Variants in HSPA12A observed in about 807,000 individuals in gnomAD.
HSPA12A encodes the protein heat shock protein family A (Hsp70) member 12A.
In HSPA12A, 28 loss-of-function variants were observed where a neutral mutation model predicts 69.2. The ratio of observed to expected loss-of-function variants is 0.40; its 90% CI spans 0.30 to 0.55. HSPA12A has a LOEUF of 0.55. HSPA12A is among the 20% of genes least tolerant of loss of function. The pLI, the probability that HSPA12A is intolerant of heterozygous loss-of-function variation, is 0.38. For synonymous variants in HSPA12A, 345 were observed against 370.5 expected (o/e 0.93, Z 0.79); for missense variants, 686 against 900.7 (o/e 0.76, Z 3.05).
At chr10:116,804,407 G>A (rs539087527) in intron 2 of HSPA12A, among the ~76,000 whole-genome samples, 6 of 152,054 alleles carry the variant, frequency 3.9e-5, no homozygotes, top group African/African-American at 1.5e-4. Flanking sequence ...AGCTTGCAGC[G>A]TCCTATGGGG....
chr10:116,716,808 G>A (rs1457864222), intron 1 of HSPA12A, among the ~76,000 whole-genome samples: 1 of 152,078 alleles, frequency 6.6e-6, no homozygotes, highest in Non-Finnish European at 1.5e-5. Flanking sequence ...AGTGAGAATT[G>A]GTATTCTCAG....
chr10:116,721,773 A>G (rs1406840512), intron 1 of HSPA12A, among the ~76,000 whole-genome samples: 3 of 152,166 alleles, frequency 2.0e-5, no homozygotes, highest in African/African-American at 7.2e-5. Flanking sequence ...AATAATGTAC[A>G]TGCTGTGTTT....
intron 2 of HSPA12A, among the ~76,000 whole-genome samples, chr10:116,773,025 G>A (rs1039136801): frequency 6.6e-6 from 1 of 152,156 alleles, no homozygotes; most frequent in East Asian, 1.9e-4. Flanking sequence ...TCTGAGAAGG[G>A]GCTCATTCAG....
At chr10:116,773,054 G>A (rs544861539) in intron 2 of HSPA12A, among the ~76,000 whole-genome samples, 1 of 152,162 alleles carries the variant, frequency 6.6e-6, no homozygotes, top group Non-Finnish European at 1.5e-5. Context: ...GGGGACCCTA[G>A]CTAGACTAAA....
chr10:116,711,126 G>T (rs1554883024), intron 1 of HSPA12A, among the ~76,000 whole-genome samples: 1 of 152,168 alleles, frequency 6.6e-6, no homozygotes, highest in Non-Finnish European at 1.5e-5. Flanking sequence ...TAGGCTGTGT[G>T]TCCTGGCTGT....
intron 2 of HSPA12A, among the ~76,000 whole-genome samples, chr10:116,820,466 T>C (rs968663373): frequency 5.3e-5 from 8 of 152,102 alleles, no homozygotes; most frequent in African/African-American, 1.7e-4. Flanking sequence ...ACCAATGGTA[T>C]GGTCACATGA....
At chr10:116,827,663 C>T (rs1030108484) in intron 2 of HSPA12A, 2 of 152,260 alleles carry the variant, frequency 1.3e-5, no homozygotes, top group East Asian at 1.9e-4. Flanking sequence ...TGCTCAAGTC[C>T]CACTCAGTTT....
At chr10:116,688,649 C>G (rs1003212404) in intron 6 of HSPA12A, among the ~76,000 whole-genome samples, 2 of 152,220 alleles carry the variant, frequency 1.3e-5, no homozygotes, top group Admixed American at 1.3e-4. Flanking sequence ...TGCACCAGTT[C>G]GGGGTGTTAT....
At position 116,683,770 on chromosome 10, in the gene HSPA12A, GGAGA is replaced by G; in HGVS notation, c.835+17_835+20del. ...TTGGGAAGGAAGGAGAGCAGGAGGG[GGAGA>G]GAGAGAGCAGAGGTACCCTGTGTAA... On this transcript the variant is annotated intron_variant, in intron 7 of 11. Coordinates refer to ENST00000369209, the MANE Select transcript of HSPA12A (RefSeq NM_025015.3). 6 of 1,506,836 alleles carry G rather than the reference GGAGA, an allele frequency of 4.0e-6. No individual in the cohort carries two copies. The highest frequency in any genetic ancestry group is 5.4e-6 in the Non-Finnish European group (6 of 1,108,708). 93.3% of individuals were successfully genotyped at this position (1,506,836 alleles called of 1,614,324 possible). A position where few individuals can be genotyped will look rare whatever the true frequency, so the allele number is the denominator to read the frequency against.
intron 2 of HSPA12A, among the ~76,000 whole-genome samples, chr10:116,815,827 T>C (rs2133190246): frequency 6.6e-6 from 1 of 152,278 alleles, no homozygotes; most frequent in Middle Eastern, 3.4e-3. Context: ...GAAAGCTTGT[T>C]GTTGGAAGGG....
upstream of HSPA12A, chr10:116,850,053 A>C (rs986046226): frequency 2.0e-6 from 1 of 502,976 alleles, no homozygotes; most frequent in Non-Finnish European, 3.6e-6. Flanking sequence ...GGGCCGGCCC[A>C]CCGCCCATGC....
intron 2 of HSPA12A, among the ~76,000 whole-genome samples, chr10:116,806,730 A>G (rs1845076695): frequency 6.6e-6 from 1 of 152,154 alleles, no homozygotes. Context: ...CCATTGGGAG[A>G]CAGAAGGTTC....
chr10:116,680,415 G>C (rs1849368757), intron 9 of HSPA12A, among the ~76,000 whole-genome samples: 1 of 152,324 alleles, frequency 6.6e-6, no homozygotes, highest in South Asian at 2.1e-4. Flanking sequence ...GCCTGGTCTA[G>C]TCCCTGTGTG....
At chr10:116,689,129 G>C (rs1057135254) in intron 6 of HSPA12A, among the ~76,000 whole-genome samples, 13 of 152,078 alleles carry the variant, frequency 8.5e-5, no homozygotes, top group Non-Finnish European at 1.9e-4. Context: ...GCCTGCCCCA[G>C]CAGAGGCTCC....
chr10:116,787,974 G>A (rs1844613624), intron 2 of HSPA12A, among the ~76,000 whole-genome samples: 1 of 152,160 alleles, frequency 6.6e-6, no homozygotes, highest in South Asian at 2.1e-4. Context: ...CCTGAGGGTC[G>A]GGGATAGGAG....
upstream of HSPA12A, among the ~76,000 whole-genome samples, chr10:116,745,672 G>A (rs547518299): frequency 1.3e-5 from 2 of 152,224 alleles, no homozygotes; most frequent in South Asian, 4.1e-4. Flanking sequence ...ACTGGAAGCC[G>A]ATTCTCCTCT....
At chr10:116,733,298 C>A (rs538490800) in intron 1 of HSPA12A, among the ~76,000 whole-genome samples, 1 of 152,222 alleles carries the variant, frequency 6.6e-6, no homozygotes, top group African/African-American at 2.4e-5. Context: ...CCCAAGGAAA[C>A]ATGGGAGACA....
At chr10:116,831,865 C>CT (rs561841261) in intron 2 of HSPA12A, 134 of 152,302 alleles carry the variant, frequency 8.8e-4, no homozygotes, top group African/African-American at 3.1e-3. Flanking sequence ...TAAGTGGTCA[C>CT]TTTTTAGCAC....
chr10:116,692,225 A>G, intron 6 of HSPA12A, 126 bp downstream of exon 6: 1 of 689,002 alleles, frequency 1.5e-6, no homozygotes, highest in East Asian at 2.7e-5. Context: ...TGGCTAGGGG[A>G]GCCTCCTTGC....
Sources: allele counts gnomAD v4.1 joint callset (sites outside exome capture counted in the v4.1 genomes callset), GRCh38; gene constraint gnomAD v4.1.1; transcripts MANE v1.5; gene names NCBI Gene and HGNC (gene_info 2026-07-23, HGNC 2026-07-21).